The following CDH23 variants were observed in gnomAD, a reference collection of about 807,000 sequenced individuals.
CDH23 encodes cadherin-23.
In CDH23, 189 loss-of-function variants were observed where a neutral mutation model predicts 317.1. The ratio of observed to expected loss-of-function variants is 0.60; its 90% CI spans 0.53 to 0.67. The LOEUF (loss-of-function observed/expected upper bound fraction) is 0.67. Among genes scored for constraint, CDH23 ranks in the 30% least tolerant of loss-of-function variants. CDH23 has a pLI of 0.00. For missense variants in CDH23, 4,401 were observed against 4,592.4 expected, an observed-to-expected ratio of 0.96 and a Z score of 1.20; for synonymous variants, 1,839 against 1,876.8, an observed-to-expected ratio of 0.98 and a Z score of 0.52.
Position 71,811,546 on chromosome 10 carries a change from G to A in CDH23, c.9234G>A (p.Leu3078=), listed in dbSNP as rs952277066. 7 of 1,613,832 alleles carry A rather than the reference G, an allele frequency of 4.3e-6. No homozygotes were observed. The African/African-American group carries it at 6.7e-5, about 15-fold the overall frequency. The change falls in exon 64 of 70, where the codon CTG becomes CTA. Residue 3078 remains leucine (L), a synonymous_variant. Coordinates refer to ENST00000224721, the MANE Select transcript of CDH23 (RefSeq NM_022124.6). Reference sequence around the variant, plus strand: ...TCGTCCTGGCTATCCTCCTGTTCCTGGCCGCCATGCTCTTTGTCCTCATGA... The same window carrying A: ...TCGTCCTGGCTATCCTCCTGTTCCTAGCCGCCATGCTCTTTGTCCTCATGA... ...AIIVLAILLF[L]AAMLFVLMNW...
chr10:71,803,164 G>A (rs1040450232), intron 54 of CDH23, 45 bp from the exon 55 acceptor site: 2 of 1,605,840 alleles, frequency 1.2e-6, no homozygotes, highest in Non-Finnish European at 1.7e-6. Context: ...GGGAAGCGTG[G>A]GAAGGATGTC....
intron 6 of CDH23, among the ~76,000 whole-genome samples, chr10:71,525,235 C>T (rs749581118): frequency 2.6e-4 from 40 of 152,218 alleles, no homozygotes; most frequent in Non-Finnish European, 4.1e-4. Flanking sequence ...CCCTGAGGCC[C>T]ATGTTGGACT....
intron 3 of CDH23, among the ~76,000 whole-genome samples, chr10:71,499,224 G>A (rs1191542309): frequency 6.6e-6 from 1 of 152,174 alleles, no homozygotes; most frequent in African/African-American, 2.4e-5. Context: ...GTAGAGTGTG[G>A]AATGATGGTT....
intron 9 of CDH23, among the ~76,000 whole-genome samples, chr10:71,612,840 C>T: frequency 6.6e-6 from 1 of 152,226 alleles, no homozygotes; most frequent in Non-Finnish European, 1.5e-5. Context: ...TGCTGTGGCC[C>T]CCATTAAAAT....
Position 71,694,180 on chromosome 10 carries a change from A to T in CDH23, c.2210A>T (p.Glu737Val). Reference sequence around the variant, plus strand: ...ACCACCACGTCTCTGCTTGACCGAGAGACCAAGTCTGAATACATCCTCATC... The same window carrying T: ...ACCACCACGTCTCTGCTTGACCGAGTGACCAAGTCTGAATACATCCTCATC... ...EITTTSLLDRETKSEYILIVR... is the reference protein window; with the variant it reads ...EITTTSLLDRVTKSEYILIVR... Residue 737 changes from glutamate (E) to valine (V), a missense_variant, in exon 21 of 70, where the codon GAG (glutamate) becomes GTG (valine). Glu to Val is a moderately radical substitution (Grantham distance 121). Transcript: ENST00000224721. 4 of 1,613,638 alleles carry T rather than the reference A, an allele frequency of 2.5e-6. No individual in the cohort carries two copies. Among genetic ancestry groups the T allele is most frequent in the Non-Finnish European group, 3.4e-6 (4 of 1,179,854 alleles).
intron 38 of CDH23, among the ~76,000 whole-genome samples, chr10:71,746,454 G>A (rs1246641301): frequency 6.6e-6 from 1 of 152,258 alleles, no homozygotes; most frequent in Non-Finnish European, 1.5e-5. Context: ...TGTGCTGCAA[G>A]GGGTATCTGG....
chr10:71,485,473 T>A (rs997497443), intron 3 of CDH23, among the ~76,000 whole-genome samples: 1 of 152,270 alleles, frequency 6.6e-6, no homozygotes, highest in Non-Finnish European at 1.5e-5. Context: ...CAGGCTGCCA[T>A]GTCTGCGACA....
rs1363195120 is a variant in CDH23, at chr10:71,732,287, C to G, written c.4016C>G (p.Ser1339Cys). The part of the protein sequence containing the change: ...GTEIVRVQAY[S>C]IDNLNQITYR... ...GAGATTGTGCGGGTCCAGGCCTACT[C>G]CATCGACAACCTCAACCAAATCACG... Residue 1339 changes from serine (S) to cysteine (C), a missense_variant, in exon 32 of 70, where the codon TCC (serine) becomes TGC (cysteine). Ser to Cys is a moderately radical substitution (Grantham distance 112). Around this residue, in one of 3 missense-constraint regions of CDH23, gnomAD observed 3,068 missense variants for 3,203.3 expected, o/e 0.96. Transcript: ENST00000224721. 3 of 1,612,656 alleles carry G rather than the reference C, an allele frequency of 1.9e-6. No individual in the cohort carries two copies. The highest frequency in any genetic ancestry group is 1.3e-5 in the African/African-American group (1 of 74,892).
At chr10:71,404,542 G>A (rs1310074411) in intron 1 of CDH23, among the ~76,000 whole-genome samples, 1 of 152,240 alleles carries the variant, frequency 6.6e-6, no homozygotes, top group African/African-American at 2.4e-5. Flanking sequence ...TTTACAAGTG[G>A]TGAAACTGAG....
intron 14 of CDH23, 44 bp from the exon 15 acceptor site, chr10:71,675,068 C>T (rs1864302228): frequency 6.3e-7 from 1 of 1,579,984 alleles, no homozygotes. Flanking sequence ...CCTGAAGCCT[C>T]AGCTGGGCCT....
chr10:71,600,469 T>G (rs1860141243), intron 9 of CDH23, among the ~76,000 whole-genome samples: 1 of 151,664 alleles, frequency 6.6e-6, no homozygotes. Flanking sequence ...AGTCCAGCAG[T>G]GAAGATGTCT....
intron 9 of CDH23, among the ~76,000 whole-genome samples, chr10:71,579,234 C>T (rs972110469): frequency 3.3e-5 from 5 of 152,106 alleles, no homozygotes; most frequent in African/African-American, 1.2e-4. Flanking sequence ...ATGCAGGAAA[C>T]CAGGGGTGTC....
Position 71,645,980 on chromosome 10 carries a change from T to C in CDH23, c.1290T>C (p.Asp430=). The change falls in exon 13 of 70, where the codon GAT becomes GAC. Residue 430 remains aspartate, a splice_region_variant and synonymous_variant. Coordinates refer to ENST00000224721, the MANE Select transcript of CDH23 (RefSeq NM_022124.6). ...DYETVDRYDF[D]LFANESVPDH... is the part of the protein sequence containing the mutation. ...AGACCGTGGACCGCTACGACTTTGA[T>C]GTAAGGCCCCACTCACTGGCATTTT... 6.2e-7 allele frequency: 1 copy of C among 1,611,034 alleles called. No homozygotes were observed.
At chr10:71,590,216 A>G (rs1306953692) in intron 9 of CDH23, among the ~76,000 whole-genome samples, 1 of 152,240 alleles carries the variant, frequency 6.6e-6, no homozygotes, top group Non-Finnish European at 1.5e-5. Flanking sequence ...TATTTGACCA[A>G]TATCCTGGAA....
chr10:71,658,359 C>T (rs889955174), intron 14 of CDH23, among the ~76,000 whole-genome samples: 1 of 152,226 alleles, frequency 6.6e-6, no homozygotes, highest in Admixed American at 6.5e-5. Context: ...GGGGTGCCCC[C>T]GCCTCTGCCT....
At chr10:71,644,060 T>TG (rs1862707316) in intron 12 of CDH23, among the ~76,000 whole-genome samples, 194 bp downstream of exon 12, 1 of 152,250 alleles carries the variant, frequency 6.6e-6, no homozygotes. Flanking sequence ...CACACCCCAC[T>TG]GGCTTCAGCT....
chr10:71,791,778 G>C (rs1277791459), intron 47 of CDH23, among the ~76,000 whole-genome samples: 1 of 151,890 alleles, frequency 6.6e-6, no homozygotes, highest in Non-Finnish European at 1.5e-5. Context: ...GTTTCACCCT[G>C]TTGGCCAGGC....
intron 3 of CDH23, among the ~76,000 whole-genome samples, chr10:71,461,524 G>A (rs145672531): frequency 3.3e-5 from 5 of 152,330 alleles, no homozygotes; most frequent in African/African-American, 7.2e-5. Context: ...GGAGAACAGC[G>A]CCAGGGTGAT....
intron 54 of CDH23, 40 bp downstream of exon 54, chr10:71,803,115 G>C: frequency 6.2e-7 from 1 of 1,600,394 alleles, no homozygotes; most frequent in Non-Finnish European, 8.6e-7. Context: ...GTCTTGGGGG[G>C]TGGGAGGGGG....
Sources: allele counts gnomAD v4.1 joint callset (sites outside exome capture counted in the v4.1 genomes callset), GRCh38; gene constraint gnomAD v4.1.1; regional missense constraint gnomAD v4.1.1; transcripts MANE v1.5; gene names NCBI Gene and HGNC (gene_info 2026-07-23, HGNC 2026-07-21).